Variants in SNTG1 observed in about 807,000 individuals in gnomAD.
SNTG1 encodes gamma-1-syntrophin.
Under a neutral mutation model 74.7 loss-of-function variants are expected in SNTG1, and 39 were observed. The observed-to-expected ratio is 0.52, with a 90% CI of 0.40 to 0.68. The LOEUF is 0.68. Among genes scored for constraint, SNTG1 ranks in the 30% least tolerant of loss-of-function variants. The pLI, the probability that SNTG1 is intolerant of heterozygous loss-of-function variation, is 0.00. For missense variants in SNTG1, 685 were observed against 609.5 expected, an observed-to-expected ratio of 1.12 and a Z score of -1.30; for synonymous variants, 254 against 217.1, an observed-to-expected ratio of 1.17 and a Z score of -1.49.
At chr8:50,321,285 A>C (rs774195880) in intron 2 of SNTG1, among the ~76,000 whole-genome samples, 25 of 152,026 alleles carry the variant, frequency 1.6e-4, no homozygotes, top group Non-Finnish European at 2.9e-4. Context: ...TCATTATATT[A>C]CCTTATTTGT....
At position 50,609,009 on chromosome 8, in the gene SNTG1, G is replaced by GT. The variant is rs140018225; in HGVS notation, c.849+18097dup. Among the ~76,000 whole-genome samples the GT allele has an allele frequency of 6.5e-3, 990 of 151,956 alleles. 2 individuals carry two copies. The highest frequency in any genetic ancestry group is 0.011 in the Non-Finnish European group (749 of 67,844). The stretch of plus-strand genomic sequence containing the variant: ...CAGTATAGATCTATTTCAAACTATT[G>GT]TTTTTCATATTACATGCATGTATAA... On this transcript the variant is annotated intron_variant, in intron 13 of 18. Transcript: ENST00000642720.
At chr8:50,319,052 G>C (rs568689669) in intron 2 of SNTG1, among the ~76,000 whole-genome samples, 1 of 151,756 alleles carries the variant, frequency 6.6e-6, no homozygotes, top group Admixed American at 6.6e-5. Context: ...ATATATCTAT[G>C]TATACAGATA....
chr8:50,747,146 C>A (rs2095556874), intron 17 of SNTG1, among the ~76,000 whole-genome samples: 2 of 151,580 alleles, frequency 1.3e-5, no homozygotes, highest in Admixed American at 1.3e-4. Flanking sequence ...AGATTAACAC[C>A]CCCTCAGGTA....
chr8:50,076,891 T>C (rs1255664647), intron 1 of SNTG1, among the ~76,000 whole-genome samples: 1 of 152,166 alleles, frequency 6.6e-6, no homozygotes, highest in Non-Finnish European at 1.5e-5. Flanking sequence ...TTTAAGTAGA[T>C]TTAAGTTAAA....
intron 8 of SNTG1, among the ~76,000 whole-genome samples, chr8:50,484,736 G>A (rs2093775373): frequency 6.6e-6 from 1 of 150,712 alleles, no homozygotes; most frequent in African/African-American, 2.5e-5. Flanking sequence ...GTGCATGCCT[G>A]CAACCCCAGC....
intron 4 of SNTG1, among the ~76,000 whole-genome samples, chr8:50,434,428 T>C (rs1259425908): frequency 1.3e-5 from 2 of 152,148 alleles, no homozygotes; most frequent in Non-Finnish European, 2.9e-5. Context: ...CTGAGTCAAA[T>C]GGTATTTCTA....
intron 15 of SNTG1, among the ~76,000 whole-genome samples, chr8:50,686,448 T>C (rs547293781): frequency 6.6e-6 from 1 of 152,312 alleles, no homozygotes; most frequent in Admixed American, 6.5e-5. Context: ...ATTTGAAGAA[T>C]ATGTCAATTT....
chr8:50,021,564 A>G (rs181130730), intron 1 of SNTG1, among the ~76,000 whole-genome samples: 10 of 152,276 alleles, frequency 6.6e-5, no homozygotes, highest in Non-Finnish European at 1.2e-4. Flanking sequence ...GTGGGTCTGG[A>G]GGGTCAATCC....
chr8:50,396,127 G>T (rs35063719), intron 3 of SNTG1, among the ~76,000 whole-genome samples: 3 of 152,046 alleles, frequency 2.0e-5, no homozygotes, highest in Non-Finnish European at 4.4e-5. Context: ...TTATTTAATT[G>T]GTAATACTGT....
intron 1 of SNTG1, among the ~76,000 whole-genome samples, chr8:50,059,890 C>G (rs144705334): frequency 6.6e-6 from 1 of 152,060 alleles, no homozygotes; most frequent in Non-Finnish European, 1.5e-5. Context: ...TATGGTAACT[C>G]TATCTTTAAC....
At chr8:50,166,046 G>T (rs957233449) in intron 1 of SNTG1, among the ~76,000 whole-genome samples, 7 of 124,972 alleles carry the variant, frequency 5.6e-5, no homozygotes, top group Non-Finnish European at 9.9e-5. Context: ...AATAAATGGT[G>T]CTGGGAAAAC....
At chr8:50,279,840 A>G (rs1234112989) in intron 2 of SNTG1, among the ~76,000 whole-genome samples, 1 of 152,196 alleles carries the variant, frequency 6.6e-6, no homozygotes, top group East Asian at 1.9e-4. Context: ...GGAAAAGTAC[A>G]GTGAAAAAGA....
At chr8:50,720,203 C>T (rs573685570) in intron 17 of SNTG1, among the ~76,000 whole-genome samples, 2 of 152,290 alleles carry the variant, frequency 1.3e-5, no homozygotes, top group South Asian at 2.1e-4. Flanking sequence ...GTATTCCCAT[C>T]TCAACTATCT....
At chr8:50,315,280 A>G (rs1253255315) in intron 2 of SNTG1, among the ~76,000 whole-genome samples, 3 of 149,730 alleles carry the variant, frequency 2.0e-5, no homozygotes, top group Non-Finnish European at 4.4e-5. Flanking sequence ...ACGGAAAAGG[A>G]ACAATATCAT....
intron 1 of SNTG1, among the ~76,000 whole-genome samples, chr8:49,942,877 C>G (rs1318817130): frequency 6.6e-6 from 1 of 152,172 alleles, no homozygotes; most frequent in Non-Finnish European, 1.5e-5. Flanking sequence ...AAGTTACTTT[C>G]CCTTGCACTC....
chr8:50,649,392 G>T (rs1464663092), intron 13 of SNTG1, among the ~76,000 whole-genome samples: 8 of 152,048 alleles, frequency 5.3e-5, no homozygotes, highest in East Asian at 1.9e-4. Context: ...CCAGCTACTC[G>T]GGAGGCTGAA....
intron 1 of SNTG1, among the ~76,000 whole-genome samples, chr8:49,957,882 T>G (rs550466220): frequency 6.6e-6 from 1 of 152,184 alleles, no homozygotes; most frequent in African/African-American, 2.4e-5. Context: ...TAGAGGATGG[T>G]TTGAACCGGG....
intron 2 of SNTG1, among the ~76,000 whole-genome samples, chr8:50,188,069 A>G (rs2083445954): frequency 6.6e-6 from 1 of 152,204 alleles, no homozygotes; most frequent in African/African-American, 2.4e-5. Context: ...TGACATCAAC[A>G]GAACAGGCCA....
intron 8 of SNTG1, among the ~76,000 whole-genome samples, chr8:50,471,243 A>AT (rs2093651905): frequency 2.9e-5 from 2 of 67,894 alleles, no homozygotes; most frequent in South Asian, 3.9e-4. Context: ...AAAATCATAT[A>AT]ATTTTTTTTT....
Sources: allele counts gnomAD v4.1 joint callset (sites outside exome capture counted in the v4.1 genomes callset), GRCh38; gene constraint gnomAD v4.1.1; transcripts MANE v1.5; gene names NCBI Gene and HGNC (gene_info 2026-07-23, HGNC 2026-07-21).